Variants in HMBOX1 observed in about 807,000 individuals in gnomAD.
The protein encoded by HMBOX1 is homeobox-containing protein 1.
HMBOX1 carries 14 observed loss-of-function variants against 54.5 expected under a neutral mutation model. The observed-to-expected ratio is 0.26, with a 90% CI of 0.17 to 0.40. The LOEUF (loss-of-function observed/expected upper bound fraction) is 0.40, where lower values mean the gene tolerates loss of function less well. HMBOX1 is among the 10% of genes least tolerant of loss of function. The probability of loss-of-function intolerance (pLI) is 1.00; values close to 1 mark genes in which losing one functional copy is unlikely to be tolerated. For synonymous variants in HMBOX1, 160 were observed against 181.0 expected (o/e 0.88, Z 0.93); for missense variants, 332 against 514.4 (o/e 0.65, Z 3.43).
chr8:28,944,237 G>T (rs888770234), intron 1 of HMBOX1, among the ~76,000 whole-genome samples: 7 of 152,174 alleles, frequency 4.6e-5, no homozygotes, highest in African/African-American at 1.7e-4. Flanking sequence ...CTGCATTTGT[G>T]TTCATTTAAT....
chr8:29,027,778 T>G (rs1001496156), intron 6 of HMBOX1, among the ~76,000 whole-genome samples: 1 of 152,210 alleles, frequency 6.6e-6, no homozygotes, highest in Non-Finnish European at 1.5e-5. Flanking sequence ...GGTTACTGAT[T>G]GCTATAATTT....
chr8:28,904,792 C>T (rs1274231354), intron 1 of HMBOX1, among the ~76,000 whole-genome samples: 2 of 151,982 alleles, frequency 1.3e-5, no homozygotes, highest in Non-Finnish European at 2.9e-5. Flanking sequence ...TCTCCTGCCT[C>T]AGCCTTCCAA....
At chr8:28,939,639 A>G (rs1375376241) in intron 1 of HMBOX1, among the ~76,000 whole-genome samples, 2 of 150,662 alleles carry the variant, frequency 1.3e-5, no homozygotes, top group Non-Finnish European at 3.0e-5. Context: ...CCTCCCGATT[A>G]GCTGGGACTA....
chr8:29,032,542 T>C (rs934202667), intron 6 of HMBOX1, among the ~76,000 whole-genome samples: 21 of 152,346 alleles, frequency 1.4e-4, no homozygotes, highest in African/African-American at 5.1e-4. Context: ...AGTTTTTCTT[T>C]AACTGACTTC....
At chr8:28,945,532 T>G (rs1177506050) in intron 1 of HMBOX1, among the ~76,000 whole-genome samples, 1 of 152,210 alleles carries the variant, frequency 6.6e-6, no homozygotes, top group Non-Finnish European at 1.5e-5. Context: ...AGGTCTCAAG[T>G]AAGATAACAG....
intron 7 of HMBOX1, among the ~76,000 whole-genome samples, chr8:29,046,017 C>T (rs547798596): frequency 2.0e-5 from 3 of 152,298 alleles, no homozygotes; most frequent in East Asian, 3.9e-4. Context: ...GTATTTTCTT[C>T]CTTGTGCTAA....
chr8:28,919,425 T>G (rs1384231227), intron 1 of HMBOX1, among the ~76,000 whole-genome samples: 1 of 152,258 alleles, frequency 6.6e-6, no homozygotes, highest in Non-Finnish European at 1.5e-5. Context: ...TTTTCTTCCC[T>G]TATATTTTCT....
At chr8:29,049,532 C>A in intron 9 of HMBOX1, 1 of 1,311,140 alleles carries the variant, frequency 7.6e-7, no homozygotes, top group Non-Finnish European at 1.0e-6. Context: ...TGGGAACCCT[C>A]CTGCCCAAAG....
intron 8 of HMBOX1, 68 bp downstream of exon 8, chr8:29,047,521 A>G (rs999467765): frequency 6.1e-5 from 49 of 808,142 alleles, no homozygotes; most frequent in Non-Finnish European, 9.8e-5. Context: ...TATTAAGATT[A>G]ACTTCAGTTT....
At chr8:28,990,165 C>T (rs1486452046) in intron 4 of HMBOX1, among the ~76,000 whole-genome samples, 1 of 152,054 alleles carries the variant, frequency 6.6e-6, no homozygotes, top group Admixed American at 6.5e-5. Flanking sequence ...TTCAATGTGT[C>T]TTCTTTCTTT....
chr8:28,954,319 T>C (rs1328290969), intron 1 of HMBOX1, among the ~76,000 whole-genome samples: 1 of 152,116 alleles, frequency 6.6e-6, no homozygotes, highest in Non-Finnish European at 1.5e-5. Flanking sequence ...GTGTTTAAAT[T>C]TTGGGGGATT....
rs1303201198 is a variant in HMBOX1 at position 28,970,744 on chromosome 8, T to A, written c.500+225T>A. On this transcript the variant is annotated intron_variant, in intron 3 of 9. Coordinates refer to ENST00000287701, the MANE Select transcript of HMBOX1 (RefSeq NM_001135726.3). The surrounding 1 kb of genome is among the most constrained non-coding windows in gnomAD (Gnocchi z 4.3). ...CTTTACTTCAGCCCTTTCTCTTTGC[T>A]GCTTGACAAGCCTTTTCCATTCTGT... is the stretch of plus-strand genomic sequence containing the variant. The A allele has an allele frequency of 6.9e-6, 3 of 432,790 alleles. No homozygotes were observed. Among genetic ancestry groups the A allele is most frequent in the African/African-American group, 2.0e-5 (1 of 50,294 alleles). The allele number at this position is 432,790 out of a possible 1,614,324, so 26.8% of individuals were successfully genotyped here. A position where few individuals can be genotyped will look rare whatever the true frequency, so the allele number is the denominator to read the frequency against.
intron 1 of HMBOX1, chr8:28,924,882 G>A (rs1288678332): frequency 6.6e-6 from 1 of 150,472 alleles, no homozygotes; most frequent in Non-Finnish European, 1.5e-5. Flanking sequence ...AAAGTGCTGG[G>A]ATTACAGGCA....
intron 2 of HMBOX1, among the ~76,000 whole-genome samples, chr8:28,965,907 C>T (rs1024946937): frequency 1.4e-4 from 22 of 151,992 alleles, no homozygotes; most frequent in African/African-American, 5.3e-4. Context: ...GTGATTGACC[C>T]TAGAGTGTGT....
chr8:28,954,404 A>G (rs111684404), intron 1 of HMBOX1, among the ~76,000 whole-genome samples: 27 of 152,242 alleles, frequency 1.8e-4, no homozygotes, highest in African/African-American at 5.3e-4. Context: ...ATCTCTCCCA[A>G]TGATGGCTTG....
intron 1 of HMBOX1, among the ~76,000 whole-genome samples, chr8:28,926,377 T>C (rs1818509779): frequency 6.6e-6 from 1 of 152,018 alleles, no homozygotes; most frequent in Non-Finnish European, 1.5e-5. Flanking sequence ...ATAGACTAGA[T>C]GTATTAAATA....
chr8:29,045,256 C>T (rs989461863), intron 6 of HMBOX1, 105 bp from the exon 7 acceptor site: 3 of 863,512 alleles, frequency 3.5e-6, no homozygotes, highest in Non-Finnish European at 3.9e-6. Context: ...GACCTAGACA[C>T]TTGAGTGTGG....
At chr8:28,930,885 C>T (rs921779600) in intron 1 of HMBOX1, among the ~76,000 whole-genome samples, 2 of 152,060 alleles carry the variant, frequency 1.3e-5, no homozygotes, top group Non-Finnish European at 1.5e-5. Flanking sequence ...TGTCTTATCT[C>T]GACATTTAGA....
intron 1 of HMBOX1, among the ~76,000 whole-genome samples, chr8:28,954,834 C>G (rs1360148514): frequency 6.6e-6 from 1 of 152,100 alleles, no homozygotes; most frequent in East Asian, 1.9e-4. Context: ...GGTGGGAGAC[C>G]AGCTTACCTT....
Sources: gnomAD v4.1 joint callset for allele counts (sites outside exome capture counted in the v4.1 genomes callset) on GRCh38, gnomAD v4.1.1 for gene constraint, Gnocchi (gnomAD v3.1) non-coding constraint, MANE v1.5 for transcripts, NCBI Gene and HGNC (gene_info 2026-07-23, HGNC 2026-07-21) for gene names.